Variants in KCNQ1 observed in about 807,000 individuals in gnomAD.
KCNQ1 encodes potassium voltage-gated channel subfamily KQT member 1.
A neutral mutation model predicts 72.4 loss-of-function variants in KCNQ1; 49 were observed. That is an observed-to-expected ratio of 0.68 (90% CI 0.54 to 0.86). KCNQ1 has a LOEUF of 0.86. Ranked by LOEUF, KCNQ1 falls within the 40% of genes least tolerant of loss-of-function variation. KCNQ1 has a pLI of 0.00. For synonymous variants in KCNQ1, 450 were observed against 412.6 expected, an observed-to-expected ratio of 1.09 and a Z score of -1.10; for missense variants, 790 against 945.1, an observed-to-expected ratio of 0.84 and a Z score of 2.15.
rs1246041761 is a variant in KCNQ1, at chr11:2,677,500, C to A, written c.1514+15419C>A. ...TGCCATACTTCTACAAAAAATGATCCTCTCTGTGGAAGTGCTGCCAACATC... is the reference window on the plus strand; with the variant it reads ...TGCCATACTTCTACAAAAAATGATCATCTCTGTGGAAGTGCTGCCAACATC... On this transcript the variant is annotated intron_variant, in intron 11 of 15. Transcript: ENST00000155840. The surrounding 1 kb of genome is among the most constrained non-coding windows in gnomAD (Gnocchi z 4.5). 4 of 398,402 alleles carry A rather than the reference C, an allele frequency of 1.0e-5. No homozygotes were observed. The highest frequency in any genetic ancestry group is 1.8e-5 in the Non-Finnish European group (4 of 226,058). 24.7% of individuals were successfully genotyped at this position (398,402 alleles called of 1,614,324 possible).
rs1385135587 is a variant in KCNQ1, at chr11:2,670,057, G to C, written c.1514+7976G>C. ...GCGGAAACCTAGCACTCACTATTCT[G>C]CTCTGGGGAGGGGGTTGGAGGCAGA... On this transcript the variant is annotated intron_variant, in intron 11 of 15. Coordinates refer to ENST00000155840, the MANE Select transcript of KCNQ1 (RefSeq NM_000218.3). The surrounding 1 kb of genome is among the most constrained non-coding windows in gnomAD (Gnocchi z 4.9). 7.5e-6 allele frequency: 3 copies of C among 398,548 alleles called. No homozygotes were observed. The highest frequency in any genetic ancestry group is 6.2e-5 in the African/African-American group (3 of 48,620). 24.7% of individuals were successfully genotyped at this position (398,548 alleles called of 1,614,324 possible).
intron 11 of KCNQ1, chr11:2,696,717 T>C: frequency 2.5e-6 from 1 of 398,602 alleles, no homozygotes; most frequent in Non-Finnish European, 4.4e-6. Flanking sequence ...TATGGAAAGA[T>C]CTCCCTCTAT....
rs765642481 is a variant in KCNQ1 at position 2,491,783 on chromosome 11, A to G, written c.387-36145A>G. ...ACTACCTCAAGGTATTTAATAGTCAAAGTTCCAAAGGTCAAGGATAAAGAA... is the reference window on the plus strand; with the variant it reads ...ACTACCTCAAGGTATTTAATAGTCAGAGTTCCAAAGGTCAAGGATAAAGAA... On this transcript the variant is annotated intron_variant, in intron 1 of 15. Transcript: ENST00000155840. The surrounding 1 kb of genome is among the most constrained non-coding windows in gnomAD (Gnocchi z 4.1). 6.6e-6 allele frequency among the ~76,000 whole-genome samples: 1 copy of G among 152,164 alleles called. No homozygotes were observed. The highest frequency in any genetic ancestry group is 1.5e-5 in the Non-Finnish European group (1 of 68,018).
chr11:2,542,404 C>T (rs61509816), intron 2 of KCNQ1, among the ~76,000 whole-genome samples: 6,910 of 152,344 alleles, frequency 0.045, 229 homozygotes, highest in African/African-American at 0.083. Flanking sequence ...AGCCAGGAAC[C>T]GCCATAGCCT....
chr11:2,681,775 G>A, intron 11 of KCNQ1: 1 of 398,490 alleles, frequency 2.5e-6, no homozygotes, highest in Non-Finnish European at 4.4e-6. Flanking sequence ...CTGGGACCTG[G>A]GAGGACCAGA....
intron 10 of KCNQ1, chr11:2,646,410 A>T (rs1849666562): frequency 2.5e-6 from 1 of 398,572 alleles, no homozygotes; most frequent in East Asian, 3.6e-5. Flanking sequence ...CATTGTGGAA[A>T]TCTTTCACCT....
intron 10 of KCNQ1, chr11:2,616,425 CTCTT>C (rs1849065336): frequency 2.5e-6 from 1 of 397,770 alleles, no homozygotes; most frequent in Admixed American, 4.4e-5. Context: ...ATTTCATTCT[CTCTT>C]TTAACTTTAG....
chr11:2,472,213 A>G (rs1388215956), intron 1 of KCNQ1, among the ~76,000 whole-genome samples: 3 of 111,284 alleles, frequency 2.7e-5, no homozygotes, highest in Admixed American at 8.8e-5. Flanking sequence ...ACATGTGTGT[A>G]GGTGTGTGTG....
At chr11:2,644,926 C>T (rs1264396242) in intron 10 of KCNQ1, 1 of 398,612 alleles carries the variant, frequency 2.5e-6, no homozygotes, top group Admixed American at 4.4e-5. Flanking sequence ...AGTCCTCAGG[C>T]CCCAGTGGCA....
In KCNQ1 at chr11:2,645,506, C is replaced by A; in HGVS notation, c.1394-16455C>A. The A allele has an allele frequency of 2.5e-6, 1 of 398,740 alleles. No individual in the cohort carries two copies. The highest frequency in any genetic ancestry group is 4.4e-6 in the Non-Finnish European group (1 of 226,192). The allele number at this position is 398,740 out of a possible 1,614,324, so 24.7% of individuals were successfully genotyped here. On this transcript the variant is annotated intron_variant, in intron 10 of 15. Transcript: ENST00000155840. The surrounding 1 kb of genome is among the most constrained non-coding windows in gnomAD (Gnocchi z 5.8). ...AATGCTCATGTTGGGGCAGCAGCAA[C>A]TCTATTGCAGCCCTACTCCTGGGGA...
In KCNQ1 at chr11:2,473,191, G is replaced by A. The variant is rs1846517109; in HGVS notation, c.386+27707G>A. On this transcript the variant is annotated intron_variant, in intron 1 of 15. Transcript: ENST00000155840. The surrounding 1 kb of genome is among the most constrained non-coding windows in gnomAD (Gnocchi z 6.0). The stretch of plus-strand genomic sequence containing the variant: ...CTGAGGAGAGGCCAGGACGGGCCAA[G>A]GAGAGCAGGCAAGAGAAGGGGTGGG... Among the ~76,000 whole-genome samples, 1 of 152,160 alleles carries A rather than the reference G, an allele frequency of 6.6e-6. No individual in the cohort carries two copies. Among genetic ancestry groups the A allele is most frequent in the South Asian group, 2.1e-4 (1 of 4,828 alleles).
rs1849210844 is a variant in KCNQ1, at chr11:2,623,590, T to C, written c.1393+34736T>C. 7.5e-6 allele frequency: 3 copies of C among 398,510 alleles called. No homozygotes were observed. Among genetic ancestry groups the C allele is most frequent in the African/African-American group, 2.1e-5 (1 of 48,650 alleles). The allele number at this position is 398,510 out of a possible 1,614,324, so 24.7% of individuals were successfully genotyped here. On this transcript the variant is annotated intron_variant, in intron 10 of 15. Coordinates refer to ENST00000155840, the MANE Select transcript of KCNQ1 (RefSeq NM_000218.3). The surrounding 1 kb of genome is among the most constrained non-coding windows in gnomAD (Gnocchi z 5.2). ...TTTTAATTACCTCCATATCTTTTCATGGCTTGATAGCTCATTTCTATTTAG... is the reference window on the plus strand; with the variant it reads ...TTTTAATTACCTCCATATCTTTTCACGGCTTGATAGCTCATTTCTATTTAG...
chr11:2,651,205 C>T lies in KCNQ1; in HGVS notation c.1394-10756C>T. 1 of 398,676 alleles carries T rather than the reference C, an allele frequency of 2.5e-6. No homozygotes were observed. Among genetic ancestry groups the T allele is most frequent in the Non-Finnish European group, 4.4e-6 (1 of 226,128 alleles). The allele number at this position is 398,676 out of a possible 1,614,324, so 24.7% of individuals were successfully genotyped here. On this transcript the variant is annotated intron_variant, in intron 10 of 15. Transcript: ENST00000155840. This position sits in a 1 kb window ranked among gnomAD's most constrained non-coding sequence, Gnocchi z 6.1. ...AAATGTTCCGACAGCTTCCTGTCAC[C>T]CTGTCTTGTGTCAGTCTCACAGCAC...
chr11:2,608,709 G>A lies in KCNQ1; in HGVS notation c.1393+19855G>A, dbSNP rs576052697. On this transcript the variant is annotated intron_variant, in intron 10 of 15. Transcript: ENST00000155840. This position sits in a 1 kb window ranked among gnomAD's most constrained non-coding sequence, Gnocchi z 4.6. ...GAACTCCTGGCCACAAGCAATTCTC[G>A]AACTCCTGGCCACAAGCAATTCTCC... 37 of 383,632 alleles carry A rather than the reference G, an allele frequency of 9.6e-5. No homozygotes were observed. The highest frequency in any genetic ancestry group is 7.7e-4 in the South Asian group (6 of 7,810). 23.8% of individuals were successfully genotyped at this position (383,632 alleles called of 1,614,324 possible).
chr11:2,773,159 T>C (rs969727466), intron 12 of KCNQ1, among the ~76,000 whole-genome samples: 11 of 149,964 alleles, frequency 7.3e-5, no homozygotes, highest in South Asian at 2.1e-4. Flanking sequence ...AGAAGGGACA[T>C]ACGGAAGGGA....
In KCNQ1 at chr11:2,478,718, A is replaced by C. The variant is rs184246976; in HGVS notation, c.386+33234A>C. ...TATCATTCCACCCCGGCCCCTCCCTAATCTCATGTCCTCACATTTCAAAAC... is the reference window on the plus strand; with the variant it reads ...TATCATTCCACCCCGGCCCCTCCCTCATCTCATGTCCTCACATTTCAAAAC... On this transcript the variant is annotated intron_variant, in intron 1 of 15. Transcript: ENST00000155840. This position sits in a 1 kb window ranked among gnomAD's most constrained non-coding sequence, Gnocchi z 4.0. Among the ~76,000 whole-genome samples, 8 of 152,204 alleles carry C rather than the reference A, an allele frequency of 5.3e-5. No individual in the cohort carries two copies. The East Asian group carries it at 1.5e-3, about 29-fold the overall frequency.
At position 2,486,089 on chromosome 11, in the gene KCNQ1, T is replaced by A. The variant is rs1846736184; in HGVS notation, c.386+40605T>A. Among the ~76,000 whole-genome samples the A allele has an allele frequency of 6.6e-6, 1 of 152,218 alleles. No homozygotes were observed. The highest frequency in any genetic ancestry group is 2.4e-5 in the African/African-American group (1 of 41,454). Reference sequence around the variant, plus strand: ...TGGAATTTCTGGATTATATGGTAATTATAGTTTTAATTTCTTGAGGAACCA... The same window carrying A: ...TGGAATTTCTGGATTATATGGTAATAATAGTTTTAATTTCTTGAGGAACCA... On this transcript the variant is annotated intron_variant, in intron 1 of 15. Transcript: ENST00000155840. The surrounding 1 kb of genome is among the most constrained non-coding windows in gnomAD (Gnocchi z 5.0).
rs193076847 is a variant in KCNQ1, at chr11:2,658,146, C to G, written c.1394-3815C>G. 7.7e-4 allele frequency: 306 copies of G among 398,584 alleles called. No individual in the cohort carries two copies. The highest frequency in any genetic ancestry group is 5.7e-3 in the African/African-American group (277 of 48,746). 24.7% of individuals were successfully genotyped at this position (398,584 alleles called of 1,614,324 possible). On this transcript the variant is annotated intron_variant, in intron 10 of 15. Transcript: ENST00000155840. The surrounding 1 kb of genome is among the most constrained non-coding windows in gnomAD (Gnocchi z 4.9). The stretch of plus-strand genomic sequence containing the variant: ...TGCAAATATGTTAAAACTACCACAG[C>G]AATTAAAATACATTTCAAGGAAGAA...
rs1043766337 is a variant in KCNQ1, at chr11:2,478,982, C to T, written c.386+33498C>T. ...AGGGGCTAAAGGCCCCATGCAAGTT[C>T]GAAATCCAGTGGGGCAGTTAAATCT... On this transcript the variant is annotated intron_variant, in intron 1 of 15. Transcript: ENST00000155840. This position sits in a 1 kb window ranked among gnomAD's most constrained non-coding sequence, Gnocchi z 4.0. 3.9e-5 allele frequency among the ~76,000 whole-genome samples: 6 copies of T among 152,226 alleles called. No homozygotes were observed. Among genetic ancestry groups the T allele is most frequent in the Non-Finnish European group, 7.3e-5 (5 of 68,046 alleles).
Sources: allele counts gnomAD v4.1 joint callset (sites outside exome capture counted in the v4.1 genomes callset), GRCh38; gene constraint gnomAD v4.1.1; non-coding constraint Gnocchi (gnomAD v3.1); transcripts MANE v1.5; gene names NCBI Gene and HGNC (gene_info 2026-07-23, HGNC 2026-07-21).